PRKAG2: variants seen among roughly 807,000 people sequenced by gnomAD.
PRKAG2 encodes 5'-AMP-activated protein kinase subunit gamma-2.
A neutral mutation model predicts 69.6 loss-of-function variants in PRKAG2; 26 were observed. The observed-to-expected ratio is 0.37, with a 90% CI of 0.27 to 0.52. PRKAG2 has a LOEUF of 0.52. Among genes scored for constraint, PRKAG2 ranks in the 20% least tolerant of loss-of-function variants. The pLI is 0.90. For synonymous variants in PRKAG2, 293 were observed against 285.0 expected, an observed-to-expected ratio of 1.03 and a Z score of -0.28; for missense variants, 557 against 740.0, an observed-to-expected ratio of 0.75 and a Z score of 2.87.
chr7:151,846,196 C>T (rs948223421), intron 1 of PRKAG2, among the ~76,000 whole-genome samples: 1 of 152,160 alleles, frequency 6.6e-6, no homozygotes, highest in Non-Finnish European at 1.5e-5. Flanking sequence ...AATGTAAGGC[C>T]GGGCGCGGTG....
At chr7:151,685,969 A>G (rs1834665527) in intron 3 of PRKAG2, among the ~76,000 whole-genome samples, 1 of 152,180 alleles carries the variant, frequency 6.6e-6, no homozygotes, top group Non-Finnish European at 1.5e-5. Flanking sequence ...AGGTTTATGT[A>G]TCTGCTAGTG....
At chr7:151,622,558 G>A (rs897501070) in intron 5 of PRKAG2, among the ~76,000 whole-genome samples, 2 of 152,200 alleles carry the variant, frequency 1.3e-5, no homozygotes, top group Non-Finnish European at 2.9e-5. Flanking sequence ...GGGAGGCAAT[G>A]GAGAAGACAG....
In PRKAG2 at chr7:151,614,072, G is replaced by C. The variant is rs1379394628; in HGVS notation, c.754+17997C>G. 6.6e-6 allele frequency among the ~76,000 whole-genome samples: 1 copy of C among 152,076 alleles called. No homozygotes were observed. The highest frequency in any genetic ancestry group is 1.5e-5 in the Non-Finnish European group (1 of 68,002). On this transcript the variant is annotated intron_variant, in intron 5 of 15. Transcript: ENST00000287878. This position sits in a 1 kb window ranked among gnomAD's most constrained non-coding sequence, Gnocchi z 4.4. ...CCTTACCTCCAACTCAGACACCCCC[G>C]CTCCAGTGACCAACTCTCTGGTCTC...
intron 5 of PRKAG2, among the ~76,000 whole-genome samples, chr7:151,609,975 C>T (rs1818390162): frequency 6.6e-6 from 1 of 152,194 alleles, no homozygotes; most frequent in Non-Finnish European, 1.5e-5. Context: ...AGTCCTATCA[C>T]CTGTGTAGCT....
At chr7:151,683,643 A>T (rs1834220088) in intron 3 of PRKAG2, among the ~76,000 whole-genome samples, 1 of 152,176 alleles carries the variant, frequency 6.6e-6, no homozygotes, top group Admixed American at 6.5e-5. Flanking sequence ...CCTACCACTC[A>T]TCAGAGTGAG....
At chr7:151,724,311 G>A (rs1004675375) in intron 3 of PRKAG2, among the ~76,000 whole-genome samples, 2 of 152,156 alleles carry the variant, frequency 1.3e-5, no homozygotes, top group Non-Finnish European at 2.9e-5. Flanking sequence ...CACAGACACA[G>A]CCAGACAGAC....
chr7:151,655,175 T>C (rs1217514492), intron 4 of PRKAG2, among the ~76,000 whole-genome samples: 1 of 152,242 alleles, frequency 6.6e-6, no homozygotes, highest in African/African-American at 2.4e-5. Context: ...TTTGTATTCT[T>C]GAAGGACACC....
intron 6 of PRKAG2, among the ~76,000 whole-genome samples, chr7:151,582,102 G>C (rs1235857809): frequency 6.6e-6 from 1 of 152,196 alleles, no homozygotes; most frequent in African/African-American, 2.4e-5. Context: ...GGGATGGAGG[G>C]AGGAATTAAT....
chr7:151,564,216 A>T lies in PRKAG2; in HGVS notation c.1446T>A (p.Ala482=). 3.7e-6 allele frequency: 6 copies of T among 1,614,178 alleles called. No homozygotes were observed. The highest frequency in any genetic ancestry group is 5.1e-6 in the Non-Finnish European group (6 of 1,179,998). ...IYSKFDVINL[A]AEKTYNNLDI... ...CTAGGTTATTGTATGTTTTCTCAGC[A>T]GCAAGATTCTGTAATGAAGCAAGAG... The change falls in exon 14 of 16, where the codon GCT becomes GCA. Residue 482 remains alanine (A), a synonymous_variant. Coordinates refer to ENST00000287878, the MANE Select transcript of PRKAG2 (RefSeq NM_016203.4).
chr7:151,627,093 C>T (rs1213128509), intron 5 of PRKAG2, among the ~76,000 whole-genome samples: 7 of 152,136 alleles, frequency 4.6e-5, no homozygotes, highest in African/African-American at 1.4e-4. Context: ...CAAAAGATCA[C>T]CAAGTGCCGG....
chr7:151,831,735 G>A (rs2079029791), intron 1 of PRKAG2, among the ~76,000 whole-genome samples: 3 of 151,960 alleles, frequency 2.0e-5, no homozygotes, highest in Admixed American at 1.3e-4. Flanking sequence ...TCCTGGCCTC[G>A]CCCCCTGGAG....
intron 3 of PRKAG2, among the ~76,000 whole-genome samples, chr7:151,722,061 T>C (rs1797204317): frequency 6.6e-6 from 1 of 152,168 alleles, no homozygotes; most frequent in African/African-American, 2.4e-5. Flanking sequence ...GTTTCCTGCA[T>C]GTGAATATGA....
intron 3 of PRKAG2, among the ~76,000 whole-genome samples, chr7:151,676,757 T>C (rs964072626): frequency 3.9e-5 from 6 of 152,026 alleles, no homozygotes; most frequent in Non-Finnish European, 5.9e-5. Flanking sequence ...GGAAACAGGG[T>C]CTTTTCAGAT....
intron 3 of PRKAG2, among the ~76,000 whole-genome samples, chr7:151,722,583 G>A (rs922261092): frequency 1.3e-5 from 2 of 152,126 alleles, no homozygotes; most frequent in African/African-American, 2.4e-5. Context: ...GACTTTAGCA[G>A]GTGAGTGGCG....
chr7:151,609,825 GAAGAA>G (rs1818346552), intron 5 of PRKAG2, among the ~76,000 whole-genome samples: 1 of 152,224 alleles, frequency 6.6e-6, no homozygotes, highest in Non-Finnish European at 1.5e-5. Flanking sequence ...TCTAACGTGA[GAAGAA>G]AAGAAGACCT....
At chr7:151,741,660 GC>G (rs1253029055) in intron 3 of PRKAG2, among the ~76,000 whole-genome samples, 3 of 130,314 alleles carry the variant, frequency 2.3e-5, no homozygotes, top group African/African-American at 9.3e-5. Flanking sequence ...GGCAACAAAA[GC>G]AAAACTCTGT....
chr7:151,747,709 C>T (rs2074381088), intron 3 of PRKAG2, among the ~76,000 whole-genome samples: 1 of 152,066 alleles, frequency 6.6e-6, no homozygotes, highest in African/African-American at 2.4e-5. Context: ...TTGAGACTGG[C>T]AAGATACAAA....
intron 3 of PRKAG2, among the ~76,000 whole-genome samples, chr7:151,724,119 G>A (rs541655321): frequency 6.6e-6 from 1 of 152,136 alleles, no homozygotes; most frequent in Non-Finnish European, 1.5e-5. Context: ...ATGTATAGAA[G>A]CCCTGGGTCC....
Position 151,835,217 on chromosome 7 carries a change from T to C in PRKAG2, c.114+41290A>G, listed in dbSNP as rs956000634. ...TAACAGGGTGCCCTTAGAAAGGTTT[T>C]ATGTTCATTTGTTTTTAGGGTCAGG... On this transcript the variant is annotated intron_variant, in intron 1 of 15. Coordinates refer to ENST00000287878, the MANE Select transcript of PRKAG2 (RefSeq NM_016203.4). This position sits in a 1 kb window ranked among gnomAD's most constrained non-coding sequence, Gnocchi z 4.1. Among the ~76,000 whole-genome samples, 3 of 152,198 alleles carry C rather than the reference T, an allele frequency of 2.0e-5. No individual in the cohort carries two copies. Among genetic ancestry groups the C allele is most frequent in the Non-Finnish European group, 4.4e-5 (3 of 68,032 alleles).
Sources: gnomAD v4.1 joint callset for allele counts (sites outside exome capture counted in the v4.1 genomes callset) on GRCh38, gnomAD v4.1.1 for gene constraint, Gnocchi (gnomAD v3.1) non-coding constraint, MANE v1.5 for transcripts, NCBI Gene and HGNC (gene_info 2026-07-23, HGNC 2026-07-21) for gene names.